Variants in ROR1 observed in about 807,000 individuals in gnomAD.
The protein encoded by ROR1 is inactive tyrosine-protein kinase transmembrane receptor ROR1.
In ROR1, 19 loss-of-function variants were observed where a neutral mutation model predicts 78.8. The observed-to-expected ratio is 0.24, with a 90% CI of 0.17 to 0.35. The LOEUF is 0.35. Ranked by LOEUF, ROR1 falls within the 10% of genes least tolerant of loss-of-function variation. The probability of loss-of-function intolerance (pLI) is 1.00; values close to 1 mark genes in which losing one functional copy is unlikely to be tolerated. For missense variants in ROR1, 917 were observed against 1,177.8 expected (o/e 0.78, Z 3.24); for synonymous variants, 386 against 433.6 (o/e 0.89, Z 1.36).
chr1:64,159,658 T>C (rs924556020), intron 8 of ROR1, among the ~76,000 whole-genome samples: 17 of 144,960 alleles, frequency 1.2e-4, no homozygotes, highest in Admixed American at 1.1e-3. Context: ...ATTAAGATAG[T>C]AAATTTTGTT....
chr1:63,785,454 T>A (rs1278421768), intron 1 of ROR1, among the ~76,000 whole-genome samples: 1 of 151,840 alleles, frequency 6.6e-6, no homozygotes. Context: ...AGACCAGTGG[T>A]GTGTAGACCA....
intron 1 of ROR1, among the ~76,000 whole-genome samples, chr1:63,973,654 G>T (rs540987876): frequency 6.6e-6 from 1 of 152,104 alleles, no homozygotes; most frequent in African/African-American, 2.4e-5. Context: ...AATTTTAGGG[G>T]CATCAGCAAC....
chr1:64,082,000 G>A (rs558416629), intron 4 of ROR1, among the ~76,000 whole-genome samples: 1 of 152,236 alleles, frequency 6.6e-6, no homozygotes, highest in Non-Finnish European at 1.5e-5. Flanking sequence ...TAAAAGCAGA[G>A]CATATAACTC....
At chr1:63,804,122 G>GA (rs1255316577) in intron 1 of ROR1, among the ~76,000 whole-genome samples, 2 of 152,158 alleles carry the variant, frequency 1.3e-5, no homozygotes, top group African/African-American at 4.8e-5. Context: ...AGGGACTCAG[G>GA]AGGGGGGCGT....
intron 1 of ROR1, among the ~76,000 whole-genome samples, chr1:63,876,547 A>C (rs1645286105): frequency 1.3e-5 from 2 of 152,046 alleles, no homozygotes; most frequent in African/African-American, 4.8e-5. Context: ...AATTTGAGAA[A>C]TGGTCTGAAT....
chr1:64,019,065 C>A (rs140125579), intron 2 of ROR1, among the ~76,000 whole-genome samples: 90 of 152,294 alleles, frequency 5.9e-4, no homozygotes, highest in Non-Finnish European at 9.8e-4. Context: ...TCCTCCTCCC[C>A]TCATTCTTAT....
At chr1:63,777,516 T>A (rs1239163864) in intron 1 of ROR1, among the ~76,000 whole-genome samples, 1 of 152,220 alleles carries the variant, frequency 6.6e-6, no homozygotes, top group East Asian at 1.9e-4. Context: ...AAATATTTAA[T>A]TTCCAATATA....
At chr1:64,063,588 A>G (rs1023179355) in intron 4 of ROR1, among the ~76,000 whole-genome samples, 1 of 152,074 alleles carries the variant, frequency 6.6e-6, no homozygotes, top group African/African-American at 2.4e-5. Context: ...TTTAAAAATT[A>G]AAGATCATCT....
At chr1:64,141,824 G>A (rs760385568) in intron 6 of ROR1, among the ~76,000 whole-genome samples, 2 of 152,002 alleles carry the variant, frequency 1.3e-5, no homozygotes, top group African/African-American at 2.4e-5. Flanking sequence ...AGTTCAGTTC[G>A]ACTGTGTAGA....
chr1:64,076,166 T>G (rs189106919), intron 4 of ROR1, among the ~76,000 whole-genome samples: 3 of 152,334 alleles, frequency 2.0e-5, no homozygotes, highest in Non-Finnish European at 4.4e-5. Context: ...CAAAACAATT[T>G]GAGGCTGTCT....
Position 64,067,710 on chromosome 1 carries a change from C to CTTTTTTTTTTTTTTTTTTTTTTT in ROR1, c.482+17014_482+17015insTTTTTTTTTTTTTTTTTTTTTTT, listed in dbSNP as rs986756579. Among the ~76,000 whole-genome samples, 9 of 105,644 alleles carry CTTTTTTTTTTTTTTTTTTTTTTT rather than the reference C, an allele frequency of 8.5e-5. 3 individuals are homozygous for CTTTTTTTTTTTTTTTTTTTTTTT. Among genetic ancestry groups the CTTTTTTTTTTTTTTTTTTTTTTT allele is most frequent in the African/African-American group, 3.0e-4 (7 of 23,500 alleles). The allele number at this position is 105,644 out of a possible 152,430, so 69.3% of individuals were successfully genotyped here. ...TATTTCTATCCAAGTTAAATAAATT[C>CTTTTTTTTTTTTTTTTTTTTTTT]TTTTTTTTTTTTTTTTTTTTGAGAC... On this transcript the variant is annotated intron_variant, in intron 4 of 8. Transcript: ENST00000371079.
intron 4 of ROR1, among the ~76,000 whole-genome samples, chr1:64,068,786 T>G (rs1646978343): frequency 6.6e-6 from 1 of 152,180 alleles, no homozygotes; most frequent in Non-Finnish European, 1.5e-5. Flanking sequence ...TGTAGGAGAT[T>G]ATAAAGTACT....
At chr1:64,017,998 G>C (rs188026764) in intron 2 of ROR1, among the ~76,000 whole-genome samples, 25 of 151,322 alleles carry the variant, frequency 1.7e-4, no homozygotes, top group African/African-American at 6.1e-4. Context: ...TTTTTCCCAG[G>C]CTGTTTTTTC....
At chr1:64,136,828 C>G (rs759942790) in intron 4 of ROR1, among the ~76,000 whole-genome samples, 11 of 152,038 alleles carry the variant, frequency 7.2e-5, no homozygotes, top group Non-Finnish European at 1.5e-4. Flanking sequence ...TTGCCCTGGT[C>G]CTCTTTGGGC....
chr1:63,894,232 A>G (rs186152646), intron 1 of ROR1, among the ~76,000 whole-genome samples: 46 of 152,268 alleles, frequency 3.0e-4, no homozygotes, highest in African/African-American at 1.1e-3. Context: ...ATGGCCCAAG[A>G]TTTCATTATG....
Position 64,178,403 on chromosome 1 carries a change from A to G in ROR1, c.2362A>G (p.Asn788Asp). 1 of 1,614,164 alleles carries G rather than the reference A, an allele frequency of 6.2e-7. No individual in the cohort carries two copies. The highest frequency in any genetic ancestry group is 8.5e-7 in the Non-Finnish European group (1 of 1,180,022). ...VSNLSNPRYPNYMFPSQGITP... is the reference protein window; with the variant it reads ...VSNLSNPRYPDYMFPSQGITP... ...TAATCTCAGTAACCCCAGATATCCT[A>G]ATTACATGTTCCCGAGCCAGGGTAT... Residue 788 changes from asparagine to aspartate, a missense_variant, in exon 9 of 9, where the codon AAT becomes GAT. Around this residue, in one of 3 missense-constraint regions of ROR1, gnomAD observed 835 missense variants for 1,069.8 expected, o/e 0.78. Coordinates refer to ENST00000371079, the MANE Select transcript of ROR1 (RefSeq NM_005012.4). The surrounding 1 kb of genome is among the most constrained non-coding windows in gnomAD (Gnocchi z 4.3).
intron 1 of ROR1, among the ~76,000 whole-genome samples, chr1:63,921,205 G>C (rs17125812): frequency 0.026 from 3,904 of 152,188 alleles, 172 homozygotes; most frequent in African/African-American, 0.089. Flanking sequence ...ACGGTTTATT[G>C]AACACATTTT....
chr1:64,079,849 T>TA (rs1647086622), intron 4 of ROR1, among the ~76,000 whole-genome samples: 1 of 150,894 alleles, frequency 6.6e-6, no homozygotes, highest in Non-Finnish European at 1.5e-5. Flanking sequence ...TTTTTTTTTT[T>TA]ATTCCAGGAG....
At chr1:64,119,932 C>A (rs1322037130) in intron 4 of ROR1, among the ~76,000 whole-genome samples, 2 of 152,124 alleles carry the variant, frequency 1.3e-5, no homozygotes, top group Non-Finnish European at 2.9e-5. Flanking sequence ...TTTCAAATGC[C>A]ACTTTCTTAA....
Sources: gnomAD v4.1 joint callset for allele counts (sites outside exome capture counted in the v4.1 genomes callset) on GRCh38, gnomAD v4.1.1 for gene constraint, gnomAD v4.1.1 regional missense constraint, Gnocchi (gnomAD v3.1) non-coding constraint, MANE v1.5 for transcripts, NCBI Gene and HGNC (gene_info 2026-07-23, HGNC 2026-07-21) for gene names.